PLXNA1: variants seen among roughly 807,000 people sequenced by gnomAD.
PLXNA1 encodes the protein plexin A1, also known as plexin-A1.
PLXNA1 carries 77 observed loss-of-function variants against 191.7 expected under a neutral mutation model. That is an observed-to-expected ratio of 0.40 (90% CI 0.33 to 0.49). PLXNA1 has a LOEUF of 0.49. Ranked by LOEUF, PLXNA1 falls within the 20% of genes least tolerant of loss-of-function variation. The probability of loss-of-function intolerance (pLI) is 0.63; values close to 1 mark genes in which losing one functional copy is unlikely to be tolerated. For missense variants in PLXNA1, 2,110 were observed against 2,660.2 expected (o/e 0.79, Z 4.55); for synonymous variants, 1,137 against 1,156.4 (o/e 0.98, Z 0.34).
chr3:127,030,228 G>A lies in PLXNA1; in HGVS notation c.5062-15G>A, dbSNP rs371486370. 28 of 1,611,412 alleles carry A rather than the reference G, an allele frequency of 1.7e-5. No individual in the cohort carries two copies. The highest frequency in any genetic ancestry group is 2.4e-5 in the Non-Finnish European group (28 of 1,178,476). On this transcript the variant is annotated splice_polypyrimidine_tract_variant and intron_variant, in intron 28 of 31. Coordinates refer to ENST00000393409, the MANE Select transcript of PLXNA1 (RefSeq NM_032242.4). ...CAGCGCCCTGGGGCTCAGTGTCCCT[G>A]CCTGCCCCCCGCAGGGCACACTGCA...
intron 3 of PLXNA1, among the ~76,000 whole-genome samples, chr3:126,998,791 C>G (rs1198308386): frequency 6.6e-6 from 1 of 152,190 alleles, no homozygotes; most frequent in Non-Finnish European, 1.5e-5. Context: ...CTTCACCTGC[C>G]AGGACCCTGA....
Position 127,022,843 on chromosome 3 carries a change from G to A in PLXNA1, c.4362+25G>A, listed in dbSNP as rs766010720. ...GGTAAGCAGAGGCGGGAGGAAGCAG[G>A]TGTCAGAGGCAGGTGAACAGCGGGA... is the stretch of plus-strand genomic sequence containing the variant. On this transcript the variant is annotated intron_variant, in intron 23 of 31. Transcript: ENST00000393409. The A allele has an allele frequency of 1.1e-5, 17 of 1,600,208 alleles. No individual in the cohort carries two copies. In the African/African-American group the frequency reaches 2.1e-4, roughly 20 times the overall value.
At chr3:127,017,307 TA>T in intron 17 of PLXNA1, 117 bp from the exon 18 acceptor site, 2 of 1,407,550 alleles carry the variant, frequency 1.4e-6, no homozygotes, top group Non-Finnish European at 1.9e-6. Context: ...CCAGCCCTGC[TA>T]GTGCCTGGCA....
rs1398456172 is a variant in PLXNA1, at chr3:126,989,701, A to T, written c.1108A>T (p.Lys370Ter). ...GCTCAGGGCCATCAAGGAGAAGATTAAGGAGCGCATCCAGTCCTGCTACCG... is the reference window on the plus strand; with the variant it reads ...GCTCAGGGCCATCAAGGAGAAGATTTAGGAGCGCATCCAGTCCTGCTACCG... ...FTLRAIKEKI[K>*]ERIQSCYRGE... Residue 370 changes from lysine (K) to a stop codon, truncating the protein, a stop_gained, in exon 2 of 32, where the codon AAG becomes TAG. Transcript: ENST00000393409. LOFTEE classifies it high-confidence loss of function. 1 of 1,613,094 alleles carries T rather than the reference A, an allele frequency of 6.2e-7. No homozygotes were observed. Among genetic ancestry groups the T allele is most frequent in the Non-Finnish European group, 8.5e-7 (1 of 1,180,030 alleles).
intron 3 of PLXNA1, among the ~76,000 whole-genome samples, chr3:126,999,305 C>T (rs2079028751): frequency 1.3e-5 from 2 of 152,220 alleles, no homozygotes; most frequent in South Asian, 4.1e-4. Context: ...CGTGTGGGCA[C>T]CTCCTTAGCT....
chr3:127,016,439 C>A, intron 15 of PLXNA1, 78 bp from the exon 16 acceptor site: 1 of 1,307,066 alleles, frequency 7.7e-7, no homozygotes, highest in Non-Finnish European at 1.1e-6. Flanking sequence ...CTGTTCCCAC[C>A]GTCCCTCAAT....
At chr3:126,997,279 C>T (rs1224631289) in intron 3 of PLXNA1, among the ~76,000 whole-genome samples, 1 of 152,212 alleles carries the variant, frequency 6.6e-6, no homozygotes, top group Admixed American at 6.5e-5. Context: ...GGGTTTCAGC[C>T]TGGGAGCAAG....
At position 127,014,625 on chromosome 3, in the gene PLXNA1, G is replaced by A; in HGVS notation, c.2752G>A (p.Glu918Lys). 1 of 1,613,094 alleles carries A rather than the reference G, an allele frequency of 6.2e-7. No homozygotes were observed. Among genetic ancestry groups the A allele is most frequent in the Non-Finnish European group, 8.5e-7 (1 of 1,179,786 alleles). ...SPVESEYISA[E>K]QIVCEIGDAS... ...TGTGGAGAGCGAGTACATCAGTGCGGAGCAGTGAGTGCAGCCCTGGGTGTG... is the reference window on the plus strand; with the variant it reads ...TGTGGAGAGCGAGTACATCAGTGCGAAGCAGTGAGTGCAGCCCTGGGTGTG... The change falls in exon 13 of 32, where the codon GAG (glutamate) becomes AAG (lysine). Residue 918 changes from glutamate (E) to lysine (K), a missense_variant. By Grantham distance (56) the Glu-to-Lys change is moderately conservative. Transcript: ENST00000393409.
intron 23 of PLXNA1, among the ~76,000 whole-genome samples, chr3:127,023,787 G>A (rs527352411): frequency 7.2e-5 from 11 of 152,192 alleles, no homozygotes; most frequent in Non-Finnish European, 1.6e-4. Flanking sequence ...ACAGCAGACA[G>A]GCAATGGGGC....
At chr3:126,997,919 C>T (rs2079022055) in intron 3 of PLXNA1, among the ~76,000 whole-genome samples, 1 of 152,220 alleles carries the variant, frequency 6.6e-6, no homozygotes, top group East Asian at 1.9e-4. Flanking sequence ...TGCTCGGGCT[C>T]ATGGCCAGCC....
intron 9 of PLXNA1, among the ~76,000 whole-genome samples, chr3:127,008,402 C>G (rs1008890383): frequency 2.0e-5 from 3 of 152,090 alleles, no homozygotes; most frequent in Non-Finnish European, 2.9e-5. Flanking sequence ...AGTCACCAGG[C>G]GCTGAGTGGT....
chr3:127,032,453 C>G lies in PLXNA1; in HGVS notation c.5298C>G (p.Asn1766Lys). 6.2e-7 allele frequency: 1 copy of G among 1,614,058 alleles called. No homozygotes were observed. Among genetic ancestry groups the G allele is most frequent in the East Asian group, 2.2e-5 (1 of 44,872 alleles). ...NPQFVFDIHK[N>K]SITDACLSVV... Reference sequence around the variant, plus strand: ...AGTTTGTGTTCGACATTCACAAGAACAGCATCACGGACGCCTGCTTGTCGG... The same window carrying G: ...AGTTTGTGTTCGACATTCACAAGAAGAGCATCACGGACGCCTGCTTGTCGG... The change falls in exon 30 of 32, where the codon AAC becomes AAG. Residue 1766 changes from asparagine (N) to lysine (K), a missense_variant. Transcript: ENST00000393409.
intron 3 of PLXNA1, among the ~76,000 whole-genome samples, chr3:126,998,961 C>G (rs1030782721): frequency 1.3e-5 from 2 of 152,234 alleles, no homozygotes; most frequent in Admixed American, 6.5e-5. Flanking sequence ...GAGGAAATTG[C>G]TAATTGCTTT....
intron 1 of PLXNA1, among the ~76,000 whole-genome samples, chr3:126,986,177 C>T (rs549228933): frequency 1.4e-4 from 21 of 152,216 alleles, no homozygotes; most frequent in African/African-American, 3.4e-4. Context: ...AACTGATAAA[C>T]GGTGAGTGAT....
At chr3:127,013,047 T>C (rs1015418427) in intron 10 of PLXNA1, among the ~76,000 whole-genome samples, 1 of 152,176 alleles carries the variant, frequency 6.6e-6, no homozygotes, top group Non-Finnish European at 1.5e-5. Flanking sequence ...GCCCCTTGGC[T>C]GACCCCTGGT....
At chr3:127,025,382 T>C (rs1490720249) in intron 23 of PLXNA1, among the ~76,000 whole-genome samples, 2 of 152,236 alleles carry the variant, frequency 1.3e-5, no homozygotes, top group Non-Finnish European at 2.9e-5. Flanking sequence ...GTTCCTTTAT[T>C]TATTTTCATA....
rs189437607 is a variant in PLXNA1, at chr3:126,999,718, C to T, written c.1378-3612C>T. Among the ~76,000 whole-genome samples the T allele has an allele frequency of 9.8e-3, 1,491 of 152,216 alleles. 6 individuals carry two copies. The highest frequency in any genetic ancestry group is 0.017 in the Non-Finnish European group (1,166 of 67,986). On this transcript the variant is annotated intron_variant, in intron 3 of 31. Coordinates refer to ENST00000393409, the MANE Select transcript of PLXNA1 (RefSeq NM_032242.4). The stretch of plus-strand genomic sequence containing the variant: ...TGGGAGTGGGTACAGCCAGCAGGGC[C>T]AGCCTGGGGCCTGCATTGAGCCCTG...
intron 21 of PLXNA1, 64 bp from the exon 22 acceptor site, chr3:127,022,021 C>G: frequency 1.3e-6 from 2 of 1,567,830 alleles, no homozygotes; most frequent in South Asian, 2.4e-5. Context: ...CAGCCCCTCA[C>G]TGGTCAGCTT....
At chr3:126,995,907 C>G (rs1033889598) in intron 3 of PLXNA1, among the ~76,000 whole-genome samples, 2 of 152,176 alleles carry the variant, frequency 1.3e-5, no homozygotes, top group Non-Finnish European at 2.9e-5. Context: ...GAGCTGACCC[C>G]GATGAGCCAT....
Sources: allele counts gnomAD v4.1 joint callset (sites outside exome capture counted in the v4.1 genomes callset), GRCh38; gene constraint gnomAD v4.1.1; transcripts MANE v1.5; gene names NCBI Gene and HGNC (gene_info 2026-07-23, HGNC 2026-07-21).